Variants in DCC observed in about 807,000 individuals in gnomAD.
The protein encoded by DCC is DCC netrin 1 receptor.
A neutral mutation model predicts 172.5 loss-of-function variants in DCC; 58 were observed. That is an observed-to-expected ratio of 0.34 (90% confidence interval 0.27 to 0.42). The LOEUF is 0.42. Among genes scored for constraint, DCC ranks in the 10% least tolerant of loss-of-function variants. The probability of loss-of-function intolerance (pLI) is 1.00; values close to 1 mark genes in which losing one functional copy is unlikely to be tolerated. For synonymous variants in DCC, 709 were observed against 644.5 expected, an observed-to-expected ratio of 1.10 and a Z score of -1.52; for missense variants, 1,740 against 1,791.0, an observed-to-expected ratio of 0.97 and a Z score of 0.51.
intron 2 of DCC, among the ~76,000 whole-genome samples, chr18:52,885,878 C>T (rs1470576210): frequency 6.6e-6 from 1 of 151,896 alleles, no homozygotes; most frequent in East Asian, 1.9e-4. Context: ...GGTGATGAGC[C>T]CTGCTATGAC....
At chr18:53,077,255 AGTAGGTG>A (rs1156529569) in intron 7 of DCC, among the ~76,000 whole-genome samples, 3 of 152,106 alleles carry the variant, frequency 2.0e-5, no homozygotes, top group Non-Finnish European at 4.4e-5. Flanking sequence ...TTTCATATAA[AGTAGGTG>A]GTGTGGTATA....
chr18:52,843,774 A>T (rs566295355), intron 2 of DCC, among the ~76,000 whole-genome samples: 2 of 152,300 alleles, frequency 1.3e-5, no homozygotes, highest in East Asian at 3.9e-4. Context: ...TATGATGCCA[A>T]ATTTAACCCA....
At chr18:53,252,748 A>G (rs959070080) in intron 12 of DCC, among the ~76,000 whole-genome samples, 2 of 151,996 alleles carry the variant, frequency 1.3e-5, no homozygotes, top group Admixed American at 6.6e-5. Flanking sequence ...GAGCACATAA[A>G]AGACCCAATT....
intron 20 of DCC, among the ~76,000 whole-genome samples, chr18:53,411,155 G>C (rs1909964535): frequency 1.3e-5 from 2 of 151,786 alleles, no homozygotes; most frequent in Admixed American, 1.3e-4. Flanking sequence ...ATGATATCTA[G>C]AAGAAAAAAT....
At chr18:52,828,918 A>T (rs12956650) in intron 2 of DCC, among the ~76,000 whole-genome samples, 2,222 of 152,328 alleles carry the variant, frequency 0.015, 24 homozygotes, top group Non-Finnish European at 0.024. Flanking sequence ...TTAATCATGG[A>T]AAGTTTTAAG....
At chr18:52,449,194 T>C (rs1276187981) in intron 1 of DCC, among the ~76,000 whole-genome samples, 7 of 152,174 alleles carry the variant, frequency 4.6e-5, no homozygotes, top group Non-Finnish European at 8.8e-5. Flanking sequence ...GAGAACAGCA[T>C]AGGAAAGACC....
chr18:53,270,735 C>G (rs914686980), intron 12 of DCC, among the ~76,000 whole-genome samples: 6 of 152,058 alleles, frequency 3.9e-5, no homozygotes, highest in African/African-American at 1.2e-4. Context: ...TTTTAGGGCC[C>G]TAACCTATGT....
At chr18:52,994,242 G>GTATTCTGTAAATTC (rs1241979959) in intron 5 of DCC, among the ~76,000 whole-genome samples, 4 of 151,878 alleles carry the variant, frequency 2.6e-5, no homozygotes, top group South Asian at 4.1e-4. Flanking sequence ...TCTTTTTAAA[G>GTATTCTGTAAATTC]ACCATCCTTG....
chr18:52,560,780 G>A (rs1178529832), intron 1 of DCC, among the ~76,000 whole-genome samples: 2 of 152,112 alleles, frequency 1.3e-5, no homozygotes, highest in Non-Finnish European at 2.9e-5. Context: ...TCTTTTATTT[G>A]GATGTGAGAA....
At chr18:52,859,540 G>A (rs138662143) in intron 2 of DCC, among the ~76,000 whole-genome samples, 14 of 152,172 alleles carry the variant, frequency 9.2e-5, no homozygotes, top group African/African-American at 3.4e-4. Flanking sequence ...GGGAAGAGGA[G>A]GCCTGGATAG....
chr18:53,172,429 C>G (rs763645704), intron 8 of DCC, among the ~76,000 whole-genome samples: 1 of 152,038 alleles, frequency 6.6e-6, no homozygotes, highest in South Asian at 2.1e-4. Flanking sequence ...ACAATATACC[C>G]GTGTAACACA....
chr18:53,223,783 T>C (rs2055979275), intron 12 of DCC, among the ~76,000 whole-genome samples: 1 of 152,164 alleles, frequency 6.6e-6, no homozygotes, highest in African/African-American at 2.4e-5. Context: ...ACTTTTAAAA[T>C]GCAAGCACTT....
At chr18:53,238,228 T>G (rs1312311572) in intron 12 of DCC, among the ~76,000 whole-genome samples, 1 of 152,200 alleles carries the variant, frequency 6.6e-6, no homozygotes, top group Admixed American at 6.5e-5. Context: ...CAATAGATAT[T>G]CTAATTTATT....
At chr18:52,417,255 T>C (rs1282510116) in intron 1 of DCC, among the ~76,000 whole-genome samples, 1 of 152,230 alleles carries the variant, frequency 6.6e-6, no homozygotes, top group Non-Finnish European at 1.5e-5. Context: ...GTTAGTCTGA[T>C]GGGCTTCCCT....
At chr18:52,466,906 C>A (rs1988800115) in intron 1 of DCC, among the ~76,000 whole-genome samples, 2 of 152,038 alleles carry the variant, frequency 1.3e-5, no homozygotes, top group Non-Finnish European at 1.5e-5. Context: ...GGAAGATGAG[C>A]AAATCATAAC....
intron 12 of DCC, among the ~76,000 whole-genome samples, chr18:53,276,211 T>C (rs1302426879): frequency 6.6e-6 from 1 of 152,180 alleles, no homozygotes; most frequent in Non-Finnish European, 1.5e-5. Flanking sequence ...CTATAACATA[T>C]AGCTTCACTC....
intron 3 of DCC, among the ~76,000 whole-genome samples, chr18:52,920,499 A>G (rs2040107063): frequency 6.6e-6 from 1 of 152,130 alleles, no homozygotes; most frequent in African/African-American, 2.4e-5. Context: ...ATATACCATT[A>G]CACGTGTATT....
intron 2 of DCC, among the ~76,000 whole-genome samples, chr18:52,765,642 G>A (rs905127089): frequency 3.9e-5 from 6 of 152,082 alleles, no homozygotes; most frequent in African/African-American, 1.4e-4. Context: ...AAGGCTCCTA[G>A]ACAAACACGC....
At chr18:53,472,374 T>G (rs763607892) in intron 25 of DCC, among the ~76,000 whole-genome samples, 1 of 152,182 alleles carries the variant, frequency 6.6e-6, no homozygotes, top group Non-Finnish European at 1.5e-5. Context: ...TCATACCCTG[T>G]GAAGCTATTG....
Sources: allele counts gnomAD v4.1 joint callset (sites outside exome capture counted in the v4.1 genomes callset), GRCh38; gene constraint gnomAD v4.1.1; transcripts MANE v1.5; gene names NCBI Gene and HGNC (gene_info 2026-07-23, HGNC 2026-07-21).